XYLT1: variants seen among roughly 807,000 people sequenced by gnomAD.
XYLT1 encodes beta-D-xylosyltransferase 1.
Under a neutral mutation model 91.3 loss-of-function variants are expected in XYLT1, and 36 were observed. The ratio of observed to expected loss-of-function variants is 0.39; its 90% CI spans 0.30 to 0.52. The LOEUF (loss-of-function observed/expected upper bound fraction) is 0.52. Among genes scored for constraint, XYLT1 ranks in the 20% least tolerant of loss-of-function variants. The probability of loss-of-function intolerance (pLI) is 0.68; values close to 1 mark genes in which losing one functional copy is unlikely to be tolerated. For synonymous variants in XYLT1, 588 were observed against 532.0 expected (o/e 1.11, Z -1.45); for missense variants, 1,242 against 1,284.5 (o/e 0.97, Z 0.51).
chr16:17,345,842 G>A (rs992025621), intron 2 of XYLT1, among the ~76,000 whole-genome samples: 22 of 152,092 alleles, frequency 1.4e-4, no homozygotes, highest in African/African-American at 2.4e-4. Context: ...AGAGAGTCTC[G>A]CTCTGTCACC....
chr16:17,378,650 C>A (rs1344742796), intron 1 of XYLT1, among the ~76,000 whole-genome samples: 1 of 152,212 alleles, frequency 6.6e-6, no homozygotes. Flanking sequence ...CTTCACTGGC[C>A]TTAACTCTTT....
At chr16:17,112,994 C>T (rs183840453) in intron 11 of XYLT1, among the ~76,000 whole-genome samples, 6 of 152,056 alleles carry the variant, frequency 3.9e-5, no homozygotes, top group Admixed American at 3.3e-4. Context: ...CACACGTCAC[C>T]ACACCCGGCT....
chr16:17,176,380 A>G (rs1358573469), intron 5 of XYLT1, among the ~76,000 whole-genome samples: 1 of 152,252 alleles, frequency 6.6e-6, no homozygotes, highest in Non-Finnish European at 1.5e-5. Flanking sequence ...GTAAAGGCTG[A>G]GGCAGGTAAC....
chr16:17,225,772 A>C lies in XYLT1; in HGVS notation c.914-25118T>G, dbSNP rs191707766. 5.5e-3 allele frequency among the ~76,000 whole-genome samples: 834 copies of C among 152,318 alleles called. 30 individuals carry two copies. The highest frequency in any genetic ancestry group is 0.049 in the Admixed American group (749 of 15,298). On this transcript the variant is annotated intron_variant, in intron 3 of 11. Coordinates refer to ENST00000261381, the MANE Select transcript of XYLT1 (RefSeq NM_022166.4). ...TTACTCAGAGACTGTGGTAAGTTAC[A>C]ATGCCCCATGAATCATAAATAATGT...
intron 2 of XYLT1, among the ~76,000 whole-genome samples, chr16:17,311,121 G>A (rs181792732): frequency 2.0e-4 from 30 of 152,186 alleles, no homozygotes; most frequent in African/African-American, 5.5e-4. Flanking sequence ...AAATTTACCC[G>A]GTGTTTAAAT....
chr16:17,330,666 T>C (rs1339285001), intron 2 of XYLT1, among the ~76,000 whole-genome samples: 1 of 151,704 alleles, frequency 6.6e-6, no homozygotes, highest in Non-Finnish European at 1.5e-5. Flanking sequence ...TGGTGATACA[T>C]GCCTGTAATT....
At chr16:17,245,599 A>G (rs889276456) in intron 3 of XYLT1, among the ~76,000 whole-genome samples, 1 of 152,156 alleles carries the variant, frequency 6.6e-6, no homozygotes, top group African/African-American at 2.4e-5. Context: ...ATACACATCA[A>G]TTTGTCTGAT....
chr16:17,398,257 A>G (rs534013307), intron 1 of XYLT1, among the ~76,000 whole-genome samples: 1 of 152,274 alleles, frequency 6.6e-6, no homozygotes, highest in South Asian at 2.1e-4. Context: ...TCCAACAAGC[A>G]CTGCTTAAGT....
chr16:17,318,164 G>A lies in XYLT1; in HGVS notation c.402+39848C>T, dbSNP rs111322372. On this transcript the variant is annotated intron_variant, in intron 2 of 11. Coordinates refer to ENST00000261381, the MANE Select transcript of XYLT1 (RefSeq NM_022166.4). ...ATTCCCAGTATATCTAATGCCTGAC[G>A]TGATACCAACACATAGCGGATGCTG... 6.2e-3 allele frequency among the ~76,000 whole-genome samples: 940 copies of A among 152,302 alleles called. 11 individuals carry two copies. Among genetic ancestry groups the A allele is most frequent in the African/African-American group, 0.021 (889 of 41,568 alleles).
At chr16:17,333,776 TG>T (rs2034938391) in intron 2 of XYLT1, among the ~76,000 whole-genome samples, 1 of 151,652 alleles carries the variant, frequency 6.6e-6, no homozygotes, top group South Asian at 2.1e-4. Context: ...TTAGTAGAGA[TG>T]GGGTTTCACC....
chr16:17,390,288 C>T (rs558397541), intron 1 of XYLT1, among the ~76,000 whole-genome samples: 1 of 152,246 alleles, frequency 6.6e-6, no homozygotes, highest in South Asian at 2.1e-4. Context: ...GCTGTATGTA[C>T]GTGAATAAGC....
intron 1 of XYLT1, among the ~76,000 whole-genome samples, chr16:17,409,487 C>T (rs1477499058): frequency 6.6e-6 from 1 of 150,688 alleles, no homozygotes; most frequent in East Asian, 1.9e-4. Flanking sequence ...GGGGTGGCCA[C>T]ACATTTGAGA....
intron 1 of XYLT1, among the ~76,000 whole-genome samples, chr16:17,415,709 A>T (rs374110500): frequency 6.6e-6 from 1 of 152,112 alleles, no homozygotes; most frequent in Admixed American, 6.5e-5. Flanking sequence ...GGAAAAAAAA[A>T]CCCACAGAAA....
intron 1 of XYLT1, among the ~76,000 whole-genome samples, chr16:17,362,978 C>T (rs561144135): frequency 9.2e-5 from 14 of 152,316 alleles, no homozygotes; most frequent in East Asian, 3.9e-4. Flanking sequence ...GCCTTCTCTC[C>T]GCCAAGAGCC....
At chr16:17,169,263 G>A (rs76157798) in intron 5 of XYLT1, among the ~76,000 whole-genome samples, 1 of 152,196 alleles carries the variant, frequency 6.6e-6, no homozygotes, top group Non-Finnish European at 1.5e-5. Context: ...CAGGGGGACA[G>A]TACCTCCTTC....
chr16:17,301,361 G>A (rs2034392388), intron 2 of XYLT1, among the ~76,000 whole-genome samples: 3 of 152,146 alleles, frequency 2.0e-5, no homozygotes, highest in Admixed American at 2.0e-4. Context: ...ACTGAGCCAA[G>A]ATTGCACCAC....
In XYLT1 at chr16:17,192,259, C is replaced by T. The variant is rs142806971; in HGVS notation, c.1289+5953G>A. On this transcript the variant is annotated intron_variant, in intron 5 of 11. Coordinates refer to ENST00000261381, the MANE Select transcript of XYLT1 (RefSeq NM_022166.4). ...GATTACAGGCGCCCGCCACCACACCCAGCTACTTTTTGTATTTTTAGTAGA... is the reference window on the plus strand; with the variant it reads ...GATTACAGGCGCCCGCCACCACACCTAGCTACTTTTTGTATTTTTAGTAGA... Among the ~76,000 whole-genome samples the T allele has an allele frequency of 5.6e-3, 855 of 152,110 alleles. 8 individuals carry two copies. The highest frequency in any genetic ancestry group is 0.019 in the African/African-American group (802 of 41,500).
At chr16:17,342,856 A>G (rs1468312075) in intron 2 of XYLT1, among the ~76,000 whole-genome samples, 1 of 152,230 alleles carries the variant, frequency 6.6e-6, no homozygotes, top group African/African-American at 2.4e-5. Context: ...CACTCAACAC[A>G]TATTTATTGA....
intron 2 of XYLT1, among the ~76,000 whole-genome samples, chr16:17,325,747 T>C (rs1047918328): frequency 2.7e-4 from 41 of 152,206 alleles, no homozygotes; most frequent in African/African-American, 9.9e-4. Context: ...GCTAGCATTT[T>C]TGAGAGTCTT....
Sources: gnomAD v4.1 joint callset for allele counts (sites outside exome capture counted in the v4.1 genomes callset) on GRCh38, gnomAD v4.1.1 for gene constraint, MANE v1.5 for transcripts, NCBI Gene and HGNC (gene_info 2026-07-23, HGNC 2026-07-21) for gene names.